Variants in PHACTR1 observed in about 807,000 individuals in gnomAD.
PHACTR1 encodes RPEL repeat containing 1.
PHACTR1 carries 16 observed loss-of-function variants against 69.2 expected under a neutral mutation model. That is an observed-to-expected ratio of 0.23 (90% CI 0.16 to 0.35). The LOEUF is 0.35. Among genes scored for constraint, PHACTR1 ranks in the 10% least tolerant of loss-of-function variants. The pLI is 1.00. For synonymous variants in PHACTR1, 312 were observed against 284.5 expected (o/e 1.10, Z -0.97); for missense variants, 510 against 734.7 (o/e 0.69, Z 3.54).
chr6:13,162,246 C>T (rs563339675), intron 6 of PHACTR1, among the ~76,000 whole-genome samples: 12 of 151,756 alleles, frequency 7.9e-5, no homozygotes, highest in East Asian at 1.9e-4. Context: ...ACCACAGGTG[C>T]GCACCACCAT....
chr6:12,855,459 C>CA (rs1202488937), intron 4 of PHACTR1, among the ~76,000 whole-genome samples: 1 of 152,156 alleles, frequency 6.6e-6, no homozygotes, highest in Non-Finnish European at 1.5e-5. Context: ...CTCTATGAGA[C>CA]AAAAAACAAA....
chr6:13,265,945 T>C (rs1003894832), intron 10 of PHACTR1, among the ~76,000 whole-genome samples: 2 of 152,168 alleles, frequency 1.3e-5, no homozygotes, highest in Admixed American at 1.3e-4. Flanking sequence ...TAGTCTCAGA[T>C]TTCTATCACT....
chr6:12,751,257 C>T (rs904389276), intron 4 of PHACTR1, among the ~76,000 whole-genome samples: 6 of 152,156 alleles, frequency 3.9e-5, no homozygotes, highest in Non-Finnish European at 8.8e-5. Context: ...AAATGTTTGC[C>T]TCTGACTTTG....
chr6:12,869,644 G>T (rs1336452311), intron 4 of PHACTR1, among the ~76,000 whole-genome samples: 1 of 152,156 alleles, frequency 6.6e-6, no homozygotes, highest in East Asian at 1.9e-4. Flanking sequence ...TGACCATAGT[G>T]CTTTTGTTAA....
At chr6:13,003,157 G>A (rs1235441790) in intron 4 of PHACTR1, among the ~76,000 whole-genome samples, 1 of 152,092 alleles carries the variant, frequency 6.6e-6, no homozygotes, top group Non-Finnish European at 1.5e-5. Flanking sequence ...ACTGGAAGAA[G>A]GACTTCACAT....
intron 8 of PHACTR1, among the ~76,000 whole-genome samples, chr6:13,225,113 G>T (rs776589293): frequency 2.6e-5 from 4 of 152,166 alleles, no homozygotes; most frequent in Non-Finnish European, 4.4e-5. Context: ...TTGCTCTCCT[G>T]TGGTTCTCCA....
chr6:13,032,092 AC>A (rs1802531186), intron 4 of PHACTR1, among the ~76,000 whole-genome samples: 1 of 152,250 alleles, frequency 6.6e-6, no homozygotes, highest in African/African-American at 2.4e-5. Context: ...ATAATATGTT[AC>A]CTAATGCTGC....
chr6:13,177,362 G>GTGCT (rs1761493676), intron 6 of PHACTR1, among the ~76,000 whole-genome samples: 3 of 113,412 alleles, frequency 2.6e-5, no homozygotes, highest in African/African-American at 5.5e-5. Context: ...TCTCTCTCTT[G>GTGCT]CGCTCTCTCT....
At chr6:13,131,982 C>A (rs1230796687) in intron 5 of PHACTR1, among the ~76,000 whole-genome samples, 1 of 152,146 alleles carries the variant, frequency 6.6e-6, no homozygotes, top group Non-Finnish European at 1.5e-5. Flanking sequence ...AGCATCCTTT[C>A]CAAGAACCAC....
intron 5 of PHACTR1, among the ~76,000 whole-genome samples, chr6:13,124,758 T>G (rs1422250943): frequency 1.3e-5 from 2 of 152,204 alleles, no homozygotes; most frequent in African/African-American, 4.8e-5. Context: ...TCTCTTTGGC[T>G]TGCAAACAGC....
intron 4 of PHACTR1, among the ~76,000 whole-genome samples, chr6:13,034,839 A>G (rs748372314): frequency 1.3e-5 from 2 of 152,236 alleles, no homozygotes; most frequent in Non-Finnish European, 2.9e-5. Flanking sequence ...GGCACACAGA[A>G]AAAGTCCTTT....
intron 7 of PHACTR1, among the ~76,000 whole-genome samples, chr6:13,188,676 G>T (rs1355957179): frequency 1.3e-5 from 2 of 152,194 alleles, no homozygotes; most frequent in Non-Finnish European, 2.9e-5. Flanking sequence ...AATTTGGAGA[G>T]TATTTGTCTT....
rs555206919 is a variant in PHACTR1 at position 13,130,061 on chromosome 6, T to C, written c.416-30143T>C. Among the ~76,000 whole-genome samples, 390 of 152,182 alleles carry C rather than the reference T, an allele frequency of 2.6e-3. 1 individual carries two copies. The highest frequency in any genetic ancestry group is 4.8e-3 in the Non-Finnish European group (325 of 67,972). ...AATCTGCTCTTAAATGCTCTTTGGGTCAACAATGAAATCAAGATGGAAATT... is the reference window on the plus strand; with the variant it reads ...AATCTGCTCTTAAATGCTCTTTGGGCCAACAATGAAATCAAGATGGAAATT... On this transcript the variant is annotated intron_variant, in intron 5 of 14. Coordinates refer to ENST00000332995, the MANE Select transcript of PHACTR1 (RefSeq NM_030948.6).
At chr6:12,797,625 G>A (rs1321726297) in intron 4 of PHACTR1, among the ~76,000 whole-genome samples, 1 of 152,152 alleles carries the variant, frequency 6.6e-6, no homozygotes, top group Admixed American at 6.5e-5. Context: ...CATGTAAGTT[G>A]CACCCTCCCA....
chr6:12,723,488 C>G (rs189896734), intron 3 of PHACTR1, among the ~76,000 whole-genome samples: 2 of 128,162 alleles, frequency 1.6e-5, no homozygotes, highest in African/African-American at 5.7e-5. Context: ...TTGGCCTTTT[C>G]TTTTTTTTTT....
chr6:12,820,567 C>T (rs1445030917), intron 4 of PHACTR1, among the ~76,000 whole-genome samples: 1 of 152,172 alleles, frequency 6.6e-6, no homozygotes, highest in Non-Finnish European at 1.5e-5. Flanking sequence ...CTCCTGCTCT[C>T]CTCTCTTCTC....
intron 4 of PHACTR1, among the ~76,000 whole-genome samples, chr6:12,856,423 T>A (rs1780374841): frequency 1.3e-5 from 2 of 151,978 alleles, no homozygotes; most frequent in Admixed American, 1.3e-4. Flanking sequence ...CAGGGTAATT[T>A]TTTGTATTTT....
intron 5 of PHACTR1, among the ~76,000 whole-genome samples, chr6:13,079,408 CAG>C (rs1287546060): frequency 1.3e-5 from 2 of 152,148 alleles, no homozygotes; most frequent in Non-Finnish European, 2.9e-5. Context: ...TGTGATTTGT[CAG>C]AGCTTGAGGC....
chr6:13,058,527 TC>T (rs1367696696), intron 5 of PHACTR1, among the ~76,000 whole-genome samples: 1 of 152,138 alleles, frequency 6.6e-6, no homozygotes, highest in Non-Finnish European at 1.5e-5. Context: ...CCAGACCTAG[TC>T]AGTGACCTCC....
Sources: allele counts gnomAD v4.1 joint callset (sites outside exome capture counted in the v4.1 genomes callset), GRCh38; gene constraint gnomAD v4.1.1; transcripts MANE v1.5; gene names NCBI Gene and HGNC (gene_info 2026-07-23, HGNC 2026-07-21).